Variants in NF1 observed in about 807,000 individuals in gnomAD.
NF1 encodes the protein neurofibromin.
NF1 carries 122 observed loss-of-function variants against 325.7 expected under a neutral mutation model. That is an observed-to-expected ratio of 0.37 (90% CI 0.32 to 0.44). The LOEUF (loss-of-function observed/expected upper bound fraction) is 0.44, where lower values mean the gene tolerates loss of function less well. NF1 is among the 20% of genes least tolerant of loss of function. The pLI is 1.00. For missense variants in NF1, 2,140 were observed against 3,415.4 expected (o/e 0.63, Z 9.31); for synonymous variants, 1,091 against 1,186.0 (o/e 0.92, Z 1.65).
chr17:31,367,225 C>T, intron 57 of NF1: 1 of 1,309,434 alleles, frequency 7.6e-7, no homozygotes, highest in Non-Finnish European at 1.0e-6. Context: ...CTTTGTAAAG[C>T]TTCTCTGCCT....
chr17:31,324,882 A>C (rs1463186910), intron 36 of NF1, among the ~76,000 whole-genome samples: 1 of 152,156 alleles, frequency 6.6e-6, no homozygotes, highest in Non-Finnish European at 1.5e-5. Context: ...TTTTATATCC[A>C]TTAACCAACC....
At chr17:31,338,914 A>C (rs1188678652) in intron 46 of NF1, 109 bp downstream of exon 46, 2 of 769,778 alleles carry the variant, frequency 2.6e-6, no homozygotes, top group Non-Finnish European at 4.5e-6. Flanking sequence ...AGTTATAAAG[A>C]AAAAACTATA....
chr17:31,238,121 G>C (rs1266053014), intron 29 of NF1, among the ~76,000 whole-genome samples: 1 of 152,156 alleles, frequency 6.6e-6, no homozygotes, highest in Non-Finnish European at 1.5e-5. Context: ...CATAATTGAC[G>C]AGTTGCTGGA....
At chr17:31,121,594 C>T (rs1047480716) in intron 1 of NF1, among the ~76,000 whole-genome samples, 22 of 151,920 alleles carry the variant, frequency 1.4e-4, no homozygotes, top group Admixed American at 1.1e-3. Context: ...TTGAGATGCT[C>T]TCCATCAGTA....
rs2066507272 is a variant in NF1, at chr17:31,200,491, G to C, written c.958G>C (p.Ala320Pro). 6.2e-7 allele frequency: 1 copy of C among 1,614,160 alleles called. No individual in the cohort carries two copies. The highest frequency in any genetic ancestry group is 8.5e-7 in the Non-Finnish European group (1 of 1,180,016). ...HGGSRQLTES[A>P]AIACVKLCKA... ...AGGAAGTAGGCAGCTGACAGAAAGT[G>C]CTGCAATTGCCTGTGTCAAACTGTG... Residue 320 changes from alanine (A) to proline (P), a missense_variant, in exon 9 of 58, where the codon GCT (alanine) becomes CCT (proline). Ala to Pro is a conservative substitution (Grantham distance 27). Coordinates refer to ENST00000358273, the MANE Select transcript of NF1 (RefSeq NM_001042492.3).
intron 36 of NF1, among the ~76,000 whole-genome samples, chr17:31,285,838 C>T (rs1440242823): frequency 6.6e-6 from 1 of 152,090 alleles, no homozygotes; most frequent in African/African-American, 2.4e-5. Flanking sequence ...TCTTATGTAA[C>T]TTACAAACTA....
rs1013494743 is a variant in NF1, at chr17:31,198,112, T to C, written c.889-2310T>C. ...GTGGTATATTACATTGATTTTTTCA[T>C]TGTTGAATCATCTTGTGCTCCTGGA... On this transcript the variant is annotated intron_variant, in intron 8 of 57. Coordinates refer to ENST00000358273, the MANE Select transcript of NF1 (RefSeq NM_001042492.3). 7.9e-5 allele frequency among the ~76,000 whole-genome samples: 12 copies of C among 152,214 alleles called. 1 individual carries two copies. The highest frequency in any genetic ancestry group is 7.2e-4 in the Admixed American group (11 of 15,276).
chr17:31,119,221 G>A (rs528841859), intron 1 of NF1, among the ~76,000 whole-genome samples: 1 of 152,078 alleles, frequency 6.6e-6, no homozygotes, highest in Non-Finnish European at 1.5e-5. Context: ...GATTACAGGT[G>A]TGAGCCACCG....
intron 5 of NF1, among the ~76,000 whole-genome samples, chr17:31,176,930 AG>A (rs1267371187): frequency 1.3e-5 from 2 of 152,114 alleles, no homozygotes; most frequent in East Asian, 3.9e-4. Context: ...GTTTGAAGTC[AG>A]GTAGTGTGAT....
In NF1 at chr17:31,360,285, G is replaced by T. The variant is rs2070368608; in HGVS notation, c.8161-202G>T. 8.5e-6 allele frequency: 5 copies of T among 588,832 alleles called. No homozygotes were observed. In the South Asian group the frequency reaches 1.0e-4, roughly 12 times the overall value. 36.5% of individuals were successfully genotyped at this position (588,832 alleles called of 1,614,324 possible). ...GCTTTCAGAAAATGCAGGTTCATCT[G>T]GAAGCTTTAAGCTGAATAGAACTCC... On this transcript the variant is annotated intron_variant, in intron 56 of 57. Transcript: ENST00000358273.
chr17:31,148,369 A>T (rs1359640894), intron 1 of NF1, among the ~76,000 whole-genome samples: 4 of 150,138 alleles, frequency 2.7e-5, no homozygotes, highest in Non-Finnish European at 5.9e-5. Flanking sequence ...ATCTGGTATG[A>T]CAAGATGTTC....
At chr17:31,128,405 G>A (rs1170897471) in intron 1 of NF1, 3 of 152,126 alleles carry the variant, frequency 2.0e-5, no homozygotes, top group African/African-American at 7.2e-5. Context: ...TGGCATGGTT[G>A]CTTTGTAGTG....
intron 1 of NF1, among the ~76,000 whole-genome samples, chr17:31,149,011 A>G (rs1250034975): frequency 5.9e-5 from 9 of 151,522 alleles, no homozygotes; most frequent in Admixed American, 3.9e-4. Context: ...TCATTCTTCT[A>G]CTGTTTTGTT....
Position 31,338,739 on chromosome 17 carries a change from C to T in NF1, c.6855C>T (p.Tyr2285=), listed in dbSNP as rs772295894. 1 of 1,613,318 alleles carries T rather than the reference C, an allele frequency of 6.2e-7. No individual in the cohort carries two copies. Among genetic ancestry groups the T allele is most frequent in the Non-Finnish European group, 8.5e-7 (1 of 1,179,482 alleles). Residue 2285 remains tyrosine (Y), a synonymous_variant, in exon 46 of 58, where the codon TAC becomes TAT. Transcript: ENST00000358273. ...LESCLKGPDT[Y]NSQVLIEATV... ...GTTGCTTAAAAGGACCTGACACTTA[C>T]AACAGTCAAGTTCTGATAGAAGCTA...
At chr17:31,234,360 A>G (rs1411318880) in intron 27 of NF1, among the ~76,000 whole-genome samples, 1 of 152,198 alleles carries the variant, frequency 6.6e-6, no homozygotes, top group East Asian at 1.9e-4. Context: ...AGCACTGAAA[A>G]TAGTAATTTT....
intron 1 of NF1, among the ~76,000 whole-genome samples, chr17:31,130,771 C>CG: frequency 6.6e-6 from 1 of 151,986 alleles, no homozygotes; most frequent in Non-Finnish European, 1.5e-5. Flanking sequence ...TGTGTGCTGG[C>CG]GGGGAAGGGA....
chr17:31,131,875 T>C (rs1252548096), intron 1 of NF1, among the ~76,000 whole-genome samples: 1 of 152,158 alleles, frequency 6.6e-6, no homozygotes, highest in Non-Finnish European at 1.5e-5. Flanking sequence ...GTGTCTAATA[T>C]TTCACCCCTA....
chr17:31,221,290 A>T (rs553648979), intron 14 of NF1, among the ~76,000 whole-genome samples: 1 of 152,216 alleles, frequency 6.6e-6, no homozygotes, highest in East Asian at 1.9e-4. Flanking sequence ...TTCCAACTTC[A>T]GTTCTGTGGT....
chr17:31,173,959 G>C lies in NF1; in HGVS notation c.586+3962G>C, dbSNP rs569346446. 7.6e-4 allele frequency among the ~76,000 whole-genome samples: 116 copies of C among 152,306 alleles called. 2 individuals carry two copies. In the South Asian group the frequency reaches 0.023, roughly 30 times the overall value. On this transcript the variant is annotated intron_variant, in intron 5 of 57. Coordinates refer to ENST00000358273, the MANE Select transcript of NF1 (RefSeq NM_001042492.3). ...AATCAGTGGAGGGTGAGAGCAAAGA[G>C]AATTCAAAGGGGTACTTTTAAAAAC... is the stretch of plus-strand genomic sequence containing the variant.
Sources: gnomAD v4.1 joint callset for allele counts (sites outside exome capture counted in the v4.1 genomes callset) on GRCh38, gnomAD v4.1.1 for gene constraint, MANE v1.5 for transcripts, NCBI Gene and HGNC (gene_info 2026-07-23, HGNC 2026-07-21) for gene names.